Variants in DPP6 observed in about 807,000 individuals in gnomAD.
DPP6 encodes A-type potassium channel modulatory protein DPP6.
Under a neutral mutation model 122.6 loss-of-function variants are expected in DPP6, and 69 were observed. The observed-to-expected ratio is 0.56, with a 90% CI of 0.46 to 0.69. The LOEUF is 0.69. Among genes scored for constraint, DPP6 ranks in the 30% least tolerant of loss-of-function variants. The pLI, the probability that DPP6 is intolerant of heterozygous loss-of-function variation, is 0.00. For synonymous variants in DPP6, 418 were observed against 433.1 expected (o/e 0.97, Z 0.43); for missense variants, 928 against 1,116.9 (o/e 0.83, Z 2.41).
At chr7:153,935,183 G>C (rs890949697) in intron 1 of DPP6, among the ~76,000 whole-genome samples, 1 of 152,098 alleles carries the variant, frequency 6.6e-6, no homozygotes, top group Non-Finnish European at 1.5e-5. Context: ...CTGCGGGGCA[G>C]ACAGTGAAGG....
chr7:154,338,206 C>T (rs1809602903), intron 1 of DPP6, among the ~76,000 whole-genome samples: 1 of 152,178 alleles, frequency 6.6e-6, no homozygotes, highest in Non-Finnish European at 1.5e-5. Flanking sequence ...AGGACTGTCA[C>T]TCCAAATTGG....
At chr7:154,531,074 A>G (rs1398949532) in intron 3 of DPP6, among the ~76,000 whole-genome samples, 1 of 152,154 alleles carries the variant, frequency 6.6e-6, no homozygotes, top group Non-Finnish European at 1.5e-5. Context: ...TGATGGGTCG[A>G]TCTCTGCAGC....
chr7:154,637,734 T>C (rs2130924761), intron 5 of DPP6, 87 bp from the exon 6 acceptor site: 1 of 1,385,218 alleles, frequency 7.2e-7, no homozygotes, highest in African/African-American at 1.5e-5. Flanking sequence ...TTCACTGATG[T>C]TTGTTAGGAT....
chr7:153,807,977 C>T, the DPP6 span, among the ~76,000 whole-genome samples: 1 of 151,918 alleles, frequency 6.6e-6, no homozygotes, highest in Non-Finnish European at 1.5e-5. Context: ...AGTGTTTCTC[C>T]AGGTGGCAGC....
intron 3 of DPP6, chr7:154,475,791 C>A (rs1351491618): frequency 6.6e-6 from 1 of 152,472 alleles, no homozygotes; most frequent in African/African-American, 2.4e-5. Context: ...GCTTACATTT[C>A]ATCTTTGCTT....
rs1006633030 is a variant in DPP6, at chr7:154,241,914, A to G, written c.243+188851A>G. 1.3e-5 allele frequency among the ~76,000 whole-genome samples: 2 copies of G among 152,124 alleles called. No homozygotes were observed. Among genetic ancestry groups the G allele is most frequent in the African/African-American group, 4.8e-5 (2 of 41,434 alleles). On this transcript the variant is annotated intron_variant, in intron 1 of 25. Coordinates refer to ENST00000377770, the MANE Select transcript of DPP6 (RefSeq NM_130797.4). The surrounding 1 kb of genome is among the most constrained non-coding windows in gnomAD (Gnocchi z 9.0). ...TCCTACTTACCTTCCTCTGGCATTCACAGAGGGCTGAGTTTCTAGTAGATG... is the reference window on the plus strand; with the variant it reads ...TCCTACTTACCTTCCTCTGGCATTCGCAGAGGGCTGAGTTTCTAGTAGATG...
At chr7:154,196,824 C>T (rs1162248235) in intron 1 of DPP6, among the ~76,000 whole-genome samples, 2 of 152,150 alleles carry the variant, frequency 1.3e-5, no homozygotes, top group Non-Finnish European at 2.9e-5. Flanking sequence ...CTAACAGAAG[C>T]TGGCCCTATC....
chr7:154,740,729 G>T lies in DPP6; in HGVS notation c.883+12842G>T, dbSNP rs1057484714. Among the ~76,000 whole-genome samples the T allele has an allele frequency of 2.6e-5, 4 of 152,152 alleles. No individual in the cohort carries two copies. In the East Asian group the frequency reaches 7.7e-4, roughly 29 times the overall value. On this transcript the variant is annotated intron_variant, in intron 8 of 25. Transcript: ENST00000377770. ...CATACGGGAGCAATGCTCCTCAGTTGCAATGGTGGGGGCTGGGCACGTGGG... is the reference window on the plus strand; with the variant it reads ...CATACGGGAGCAATGCTCCTCAGTTTCAATGGTGGGGGCTGGGCACGTGGG...
At chr7:154,018,594 T>C (rs1798542724) in intron 1 of DPP6, among the ~76,000 whole-genome samples, 1 of 152,250 alleles carries the variant, frequency 6.6e-6, no homozygotes, top group Admixed American at 6.5e-5. Flanking sequence ...AATAGAGTGG[T>C]TGCCATGACA....
chr7:154,738,402 G>C (rs1483950954), intron 8 of DPP6, among the ~76,000 whole-genome samples: 1 of 152,196 alleles, frequency 6.6e-6, no homozygotes, highest in Admixed American at 6.5e-5. Flanking sequence ...ATGGTGACCA[G>C]TCGGTTTGCT....
rs1244805296 is a variant in DPP6 at position 154,892,816 on chromosome 7, C to T, written c.*336C>T. 1 of 565,098 alleles carries T rather than the reference C, an allele frequency of 1.8e-6. No homozygotes were observed. Among genetic ancestry groups the T allele is most frequent in the Non-Finnish European group, 3.4e-6 (1 of 291,056 alleles). 35.0% of individuals were successfully genotyped at this position (565,098 alleles called of 1,614,324 possible). Reference sequence around the variant, plus strand: ...CCACGCGAGCCCACAGGACACCGGCCCCTAGATTCCAGCCACCAAGCGGAA... The same window carrying T: ...CCACGCGAGCCCACAGGACACCGGCTCCTAGATTCCAGCCACCAAGCGGAA... On this transcript the variant is annotated 3_prime_UTR_variant, in exon 26 of 26. Coordinates refer to ENST00000377770, the MANE Select transcript of DPP6 (RefSeq NM_130797.4).
chr7:154,695,644 C>T (rs934256510), intron 7 of DPP6, among the ~76,000 whole-genome samples: 1 of 152,100 alleles, frequency 6.6e-6, no homozygotes, highest in Admixed American at 6.5e-5. Context: ...GGGGCAGACT[C>T]GGGCTCTGCA....
intron 8 of DPP6, among the ~76,000 whole-genome samples, chr7:154,741,259 C>T (rs1000507105): frequency 2.0e-5 from 3 of 152,246 alleles, no homozygotes; most frequent in African/African-American, 7.2e-5. Context: ...CTATCATCTG[C>T]AGCCATACAA....
chr7:153,937,371 A>G (rs1194654187), intron 1 of DPP6, among the ~76,000 whole-genome samples: 1 of 151,250 alleles, frequency 6.6e-6, no homozygotes. Context: ...GCTCATCATC[A>G]TTGAAGAAAG....
intron 4 of DPP6, among the ~76,000 whole-genome samples, chr7:154,549,545 A>G (rs1287212926): frequency 6.6e-6 from 1 of 152,192 alleles, no homozygotes; most frequent in Non-Finnish European, 1.5e-5. Context: ...AGGTGACTTA[A>G]TTTGGAAGTT....
chr7:153,959,123 T>C (rs1193001045), intron 1 of DPP6, among the ~76,000 whole-genome samples: 1 of 151,916 alleles, frequency 6.6e-6, no homozygotes, highest in Non-Finnish European at 1.5e-5. Flanking sequence ...CCGATGCTTC[T>C]GGTCACTAAG....
intron 1 of DPP6, among the ~76,000 whole-genome samples, chr7:154,112,815 A>G (rs11982755): frequency 2.0e-3 from 309 of 152,328 alleles, no homozygotes; most frequent in African/African-American, 7.2e-3. Flanking sequence ...CTGAAAGCAC[A>G]ATAGGATACA....
intron 1 of DPP6, among the ~76,000 whole-genome samples, chr7:154,201,207 A>G (rs573226454): frequency 8.8e-5 from 13 of 147,910 alleles, no homozygotes; most frequent in Non-Finnish European, 1.8e-4. Flanking sequence ...GGCTAACTGC[A>G]ACCTCCGCCT....
At chr7:154,497,246 C>T (rs1206711771) in intron 3 of DPP6, among the ~76,000 whole-genome samples, 1 of 152,110 alleles carries the variant, frequency 6.6e-6, no homozygotes, top group Non-Finnish European at 1.5e-5. Flanking sequence ...ATACCTTCAA[C>T]CTGGAGTTGA....
Sources: allele counts gnomAD v4.1 joint callset (sites outside exome capture counted in the v4.1 genomes callset), GRCh38; gene constraint gnomAD v4.1.1; non-coding constraint Gnocchi (gnomAD v3.1); transcripts MANE v1.5; gene names NCBI Gene and HGNC (gene_info 2026-07-23, HGNC 2026-07-21).